The following ABCA10 variants were observed in gnomAD, a reference collection of about 807,000 sequenced individuals.
ABCA10 encodes the protein ATP-binding cassette sub-family A member 10.
In ABCA10, 169 loss-of-function variants were observed where a neutral mutation model predicts 187.5. That is an observed-to-expected ratio of 0.90 (90% CI 0.80 to 1.02). The LOEUF (loss-of-function observed/expected upper bound fraction) is 1.02, where lower values mean the gene tolerates loss of function less well. Among genes scored for constraint, ABCA10 ranks in the 50% least tolerant of loss-of-function variants. The pLI, the probability that ABCA10 is intolerant of heterozygous loss-of-function variation, is 0.00. For missense variants in ABCA10, 1,727 were observed against 1,812.4 expected (o/e 0.95, Z 0.86); for synonymous variants, 574 against 601.8 (o/e 0.95, Z 0.68).
chr17:69,200,610 C>T (rs2074536317), intron 10 of ABCA10, among the ~76,000 whole-genome samples: 1 of 152,182 alleles, frequency 6.6e-6, no homozygotes, highest in African/African-American at 2.4e-5. Context: ...TTTGAATATA[C>T]AACTAACATT....
chr17:69,164,244 C>A, intron 26 of ABCA10, 90 bp from the exon 27 acceptor site: 3 of 1,030,944 alleles, frequency 2.9e-6, no homozygotes, highest in South Asian at 3.7e-5. Context: ...ACTTGATGTT[C>A]TATGGGACAA....
chr17:69,204,651 T>C (rs755782855), intron 9 of ABCA10, among the ~76,000 whole-genome samples: 72 of 152,234 alleles, frequency 4.7e-4, no homozygotes, highest in Non-Finnish European at 8.2e-4. Flanking sequence ...TCAGACTGTT[T>C]AACCCATCAT....
chr17:69,189,368 A>G (rs1018962552), intron 18 of ABCA10, among the ~76,000 whole-genome samples: 1 of 151,828 alleles, frequency 6.6e-6, no homozygotes, highest in Admixed American at 6.6e-5. Flanking sequence ...CCATTTTTTA[A>G]TGGGGTTGTT....
Position 69,185,519 on chromosome 17 carries a change from G to A in ABCA10, c.2455C>T (p.Pro819Ser), listed in dbSNP as rs754210336. The change falls in exon 20 of 39, where the codon CCG becomes TCG. Residue 819 changes from proline (P) to serine (S), a missense_variant. Transcript: ENST00000690296. ...SMYFLSLEQI[P>S]KTPLTSLLIV... is the part of the protein sequence containing the mutation. Reference sequence around the variant, plus strand: ...AACAGGCTGGTAAGAGGCGTCTTCGGGATTTGTTCCAGAGAAAGGAAATAC... The same window carrying A: ...AACAGGCTGGTAAGAGGCGTCTTCGAGATTTGTTCCAGAGAAAGGAAATAC... The A allele has an allele frequency of 1.1e-5, 18 of 1,613,308 alleles. No individual in the cohort carries two copies. The highest frequency in any genetic ancestry group is 1.5e-5 in the Non-Finnish European group (18 of 1,179,618).
chr17:69,165,031 T>A lies in ABCA10; in HGVS notation c.3215A>T (p.Asn1072Ile). Residue 1072 changes from asparagine (N) to isoleucine (I), a missense_variant, in exon 26 of 39, where the codon AAC becomes ATC. By Grantham distance (149) the Asn-to-Ile change is moderately radical. Coordinates refer to ENST00000690296, the MANE Select transcript of ABCA10 (RefSeq NM_001377321.1). ...IMVSTQYEKL[N>I]LILCMIFIPS... ...TATGAAAATCATGCACAAAATTAAGTTGAGTTTTTCATATTGAGTTGATAC... is the reference window on the plus strand; with the variant it reads ...TATGAAAATCATGCACAAAATTAAGATGAGTTTTTCATATTGAGTTGATAC... 5 of 1,608,452 alleles carry A rather than the reference T, an allele frequency of 3.1e-6. No homozygotes were observed. The highest frequency in any genetic ancestry group is 1.3e-5 in the African/African-American group (1 of 74,882).
chr17:69,201,606 G>T lies in ABCA10; in HGVS notation c.1069C>A (p.Gln357Lys). The T allele has an allele frequency of 6.2e-7, 1 of 1,612,510 alleles. No individual in the cohort carries two copies. The highest frequency in any genetic ancestry group is 1.1e-5 in the South Asian group (1 of 90,500). The change falls in exon 10 of 39, where the codon CAA (glutamine) becomes AAA (lysine). Residue 357 changes from glutamine to lysine, a missense_variant. Physicochemically the swap from Gln to Lys is moderately conservative, Grantham distance 53. Coordinates refer to ENST00000690296, the MANE Select transcript of ABCA10 (RefSeq NM_001377321.1). ...TCAAAGATTTCATGATGAGTATTTT[G>T]ATGTTTGGACCAAAATGAGGACTTA... Reference protein sequence around the residue: ...FLKSSFWSKHQNTHHEIFENE... With the variant: ...FLKSSFWSKHKNTHHEIFENE...
chr17:69,237,780 C>T (rs1001222457), intron 1 of ABCA10, among the ~76,000 whole-genome samples: 8 of 152,046 alleles, frequency 5.3e-5, no homozygotes, highest in Non-Finnish European at 1.0e-4. Context: ...TGACTGGCAA[C>T]CTTTGAAGAA....
At chr17:69,211,281 T>C (rs1354070869) in intron 9 of ABCA10, among the ~76,000 whole-genome samples, 1 of 118,408 alleles carries the variant, frequency 8.4e-6, no homozygotes, top group African/African-American at 2.8e-5. Context: ...TATCCTATGG[T>C]ATATATATAT....
chr17:69,161,101 C>G (rs961348595), intron 27 of ABCA10, among the ~76,000 whole-genome samples: 1 of 152,060 alleles, frequency 6.6e-6, no homozygotes, highest in Non-Finnish European at 1.5e-5. Context: ...TGACATATGT[C>G]TCAACATGGA....
At chr17:69,149,280 G>T in intron 37 of ABCA10, 192 bp from the exon 38 acceptor site, 1 of 580,408 alleles carries the variant, frequency 1.7e-6, no homozygotes. Flanking sequence ...AACATATTCA[G>T]TTTCCTATAA....
chr17:69,155,101 T>A lies in ABCA10; in HGVS notation c.3612A>T (p.Glu1204Asp). Reference sequence around the variant, plus strand: ...AGCAACTTTTCTTTGTCTCATAATATTCCTTGTGTAAACAGCTTGCAGTTA... The same window carrying A: ...AGCAACTTTTCTTTGTCTCATAATAATCCTTGTGTAAACAGCTTGCAGTTA... ...PVITASCLHK[E>D]YYETKKSCFS... is the part of the protein sequence containing the mutation. Residue 1204 changes from glutamate (E) to aspartate (D), a missense_variant, in exon 30 of 39, where the codon GAA (glutamate) becomes GAT (aspartate). Coordinates refer to ENST00000690296, the MANE Select transcript of ABCA10 (RefSeq NM_001377321.1). 1 of 1,612,800 alleles carries A rather than the reference T, an allele frequency of 6.2e-7. No homozygotes were observed. The highest frequency in any genetic ancestry group is 1.3e-5 in the African/African-American group (1 of 75,012).
chr17:69,193,253 AGAG>A lies in ABCA10; in HGVS notation c.1642-8_1642-6del. 6 of 1,610,144 alleles carry A rather than the reference AGAG, an allele frequency of 3.7e-6. No individual in the cohort carries two copies. Among genetic ancestry groups the A allele is most frequent in the Admixed American group, 3.4e-5 (2 of 58,870 alleles). On this transcript the variant is annotated splice_polypyrimidine_tract_variant and splice_region_variant and intron_variant, in intron 14 of 38. Transcript: ENST00000690296. ...TGGTTCATCTAGCAGCAAAACCTAC[AGAG>A]GAGGAAACGTATGAAAGCATCTTCC...
At position 69,214,997 on chromosome 17, in the gene ABCA10, T is replaced by C. The variant is rs1251376226; in HGVS notation, c.859-146A>G. The C allele has an allele frequency of 5.7e-6, 3 of 530,014 alleles. No homozygotes were observed. The Admixed American group carries it at 1.3e-4, about 24-fold the overall frequency. The allele number at this position is 530,014 out of a possible 1,614,324, so 32.8% of individuals were successfully genotyped here. ...ATGCATAGTAAATGTGCTATTAGTA[T>C]TGTTGCTTTTTAAAAAATGTAAGTA... is the stretch of plus-strand genomic sequence containing the variant. On this transcript the variant is annotated intron_variant, in intron 8 of 38. Coordinates refer to ENST00000690296, the MANE Select transcript of ABCA10 (RefSeq NM_001377321.1).
At chr17:69,185,768 A>G (rs2074416678) in intron 19 of ABCA10, 125 bp from the exon 20 acceptor site, 1 of 662,360 alleles carries the variant, frequency 1.5e-6, no homozygotes, top group African/African-American at 1.8e-5. Flanking sequence ...TAGTTAGATA[A>G]AATGAAACAT....
rs1172740516 is a variant in ABCA10, at chr17:69,241,993, G to T, written c.-593+2536C>A. ...TTAATTTGGTGAAGGTAAATTCAAAGGATGCCTACTTACTAAAGAATTAGA... is the reference window on the plus strand; with the variant it reads ...TTAATTTGGTGAAGGTAAATTCAAATGATGCCTACTTACTAAAGAATTAGA... On this transcript the variant is annotated intron_variant, in intron 1 of 39. Coordinates refer to the ABCA10 transcript ENST00000269081. Among the ~76,000 whole-genome samples, 3 of 152,258 alleles carry T rather than the reference G, an allele frequency of 2.0e-5. No homozygotes were observed. In the East Asian group the frequency reaches 5.8e-4, roughly 29 times the overall value.
chr17:69,193,371 T>C, intron 14 of ABCA10, 122 bp downstream of exon 14: 4 of 1,506,734 alleles, frequency 2.7e-6, no homozygotes, highest in African/African-American at 2.8e-5. Flanking sequence ...CCTAACAAGC[T>C]TGCATGGTAC....
intron 20 of ABCA10, among the ~76,000 whole-genome samples, chr17:69,184,473 C>T (rs2074405055): frequency 6.6e-6 from 1 of 152,108 alleles, no homozygotes; most frequent in African/African-American, 2.4e-5. Flanking sequence ...CTCACAGAGT[C>T]CACTTCACTC....
In ABCA10 at chr17:69,194,481, T is replaced by G. The variant is rs533423661; in HGVS notation, c.1249A>C (p.Ile417Leu). Reference sequence around the variant, plus strand: ...ATTGCAGTGATCTGTCCTTCATATATGTCAAAAAATATGCCTGTTTTAGAA... The same window carrying G: ...ATTGCAGTGATCTGTCCTTCATATAGGTCAAAAAATATGCCTGTTTTAGAA... ...VEALQGIFFDIYEGQITAILG... is the reference protein window; with the variant it reads ...VEALQGIFFDLYEGQITAILG... Residue 417 changes from isoleucine to leucine, a missense_variant, in exon 12 of 39, where the codon ATA becomes CTA. By Grantham distance (5) the Ile-to-Leu change is conservative. Transcript: ENST00000690296. 87 of 1,604,246 alleles carry G rather than the reference T, an allele frequency of 5.4e-5. No individual in the cohort carries two copies. The highest frequency in any genetic ancestry group is 3.7e-5 in the Non-Finnish European group (44 of 1,175,824).
intron 4 of ABCA10, among the ~76,000 whole-genome samples, 196 bp downstream of exon 4, chr17:69,222,337 C>CAAA (rs34320016): frequency 1.5e-5 from 2 of 135,620 alleles, no homozygotes; most frequent in African/African-American, 2.7e-5. Flanking sequence ...GACTCCATCT[C>CAAA]AAAAAAAAAA....
Sources: allele counts gnomAD v4.1 joint callset (sites outside exome capture counted in the v4.1 genomes callset), GRCh38; gene constraint gnomAD v4.1.1; transcripts MANE v1.5; gene names NCBI Gene and HGNC (gene_info 2026-07-23, HGNC 2026-07-21).